Variants in PCDHA1 observed in about 807,000 individuals in gnomAD.
PCDHA1 encodes the protein protocadherin alpha-1.
A neutral mutation model predicts 61.3 loss-of-function variants in PCDHA1; 42 were observed. That is an observed-to-expected ratio of 0.69 (90% CI 0.54 to 0.89). PCDHA1 has a LOEUF of 0.89. Among genes scored for constraint, PCDHA1 ranks in the 40% least tolerant of loss-of-function variants. The probability of loss-of-function intolerance (pLI) is 0.00; values close to 1 mark genes in which losing one functional copy is unlikely to be tolerated. For missense variants in PCDHA1, 1,256 were observed against 1,235.3 expected (o/e 1.02, Z -0.25); for synonymous variants, 610 against 553.8 (o/e 1.10, Z -1.43).
chr5:140,841,456 G>T (rs2150315881), intron 1 of PCDHA1: 1 of 1,612,922 alleles, frequency 6.2e-7, no homozygotes, highest in South Asian at 1.1e-5. Context: ...GCACCTTCGT[G>T]GGCCGGATCG....
intron 1 of PCDHA1, among the ~76,000 whole-genome samples, chr5:140,844,861 A>G (rs1302890779): frequency 2.7e-5 from 4 of 149,288 alleles, no homozygotes; most frequent in African/African-American, 4.9e-5. Flanking sequence ...ACCTGCCTGG[A>G]TATTAAATAC....
At chr5:140,802,463 G>A (rs781868454) in intron 1 of PCDHA1, 2 of 1,614,210 alleles carry the variant, frequency 1.2e-6, no homozygotes, top group African/African-American at 1.3e-5. Flanking sequence ...CGGCCTATGA[G>A]CTGGTGGTGA....
chr5:140,827,695 T>C (rs1168812180), intron 1 of PCDHA1, among the ~76,000 whole-genome samples: 1 of 152,252 alleles, frequency 6.6e-6, no homozygotes, highest in Non-Finnish European at 1.5e-5. Context: ...CTGGTTGATA[T>C]TAATGTTGCA....
intron 1 of PCDHA1, chr5:140,928,020 T>G: frequency 1.2e-6 from 2 of 1,614,182 alleles, no homozygotes; most frequent in Middle Eastern, 1.6e-4. Context: ...GTAGGGTCAT[T>G]TGTGGCATGT....
chr5:140,902,621 TATTTAGTGGTG>T (rs2069605868), intron 1 of PCDHA1, among the ~76,000 whole-genome samples: 1 of 152,154 alleles, frequency 6.6e-6, no homozygotes, highest in Non-Finnish European at 1.5e-5. Context: ...ATGGGTAAGT[TATTTAGTGGTG>T]ATTTCTGAGA....
chr5:140,863,670 C>A (rs2048115377), intron 1 of PCDHA1: 1 of 292,680 alleles, frequency 3.4e-6, no homozygotes, highest in Admixed American at 4.6e-5. Context: ...ATTTATTTTG[C>A]TTTTGCTTTT....
At chr5:140,828,819 A>C (rs140245330) in intron 1 of PCDHA1, 1 of 1,614,224 alleles carries the variant, frequency 6.2e-7, no homozygotes, top group Non-Finnish European at 8.5e-7. Context: ...CCCACTTTCG[A>C]ACAGTCTGAA....
intron 1 of PCDHA1, chr5:140,856,708 A>G: frequency 6.3e-7 from 1 of 1,596,690 alleles, no homozygotes; most frequent in South Asian, 1.1e-5. Context: ...GCAAACCTGA[A>G]TTTACCGGAT....
At chr5:140,869,163 C>T in intron 1 of PCDHA1, 1 of 1,613,910 alleles carries the variant, frequency 6.2e-7, no homozygotes, top group Non-Finnish European at 8.5e-7. Flanking sequence ...GGCTTCTCCT[C>T]CTCGAATTCT....
intron 1 of PCDHA1, among the ~76,000 whole-genome samples, chr5:140,889,098 T>C (rs1252119447): frequency 6.6e-6 from 1 of 152,012 alleles, no homozygotes; most frequent in African/African-American, 2.4e-5. Flanking sequence ...AACAATTTTT[T>C]CATCTTTATT....
rs76033389 is a variant in PCDHA1, at chr5:140,874,549, G to A, written c.2394+85865G>A. Among the ~76,000 whole-genome samples, 707 of 152,298 alleles carry A rather than the reference G, an allele frequency of 4.6e-3. 3 individuals are homozygous for A. The highest frequency in any genetic ancestry group is 0.016 in the African/African-American group (683 of 41,566). On this transcript the variant is annotated intron_variant, in intron 1 of 3. Transcript: ENST00000504120. ...GATTAGGCTCCAAAACCCTTTAAGA[G>A]ATCTTTCGCATTTTAGTGCTCCATT...
rs1554128830 is a variant in PCDHA1 at position 140,822,720 on chromosome 5, T to C, written c.2394+34036T>C. 3 of 1,612,092 alleles carry C rather than the reference T, an allele frequency of 1.9e-6. No individual in the cohort carries two copies. The South Asian group carries it at 3.3e-5, about 18-fold the overall frequency. On this transcript the variant is annotated intron_variant, in intron 1 of 3. Coordinates refer to ENST00000504120, the MANE Select transcript of PCDHA1 (RefSeq NM_018900.4). ...TGGATTATGAAGACTATAACTCATA[T>C]GAAATTAATATTGATGCCATGGATA...
At chr5:140,796,666 C>A in intron 1 of PCDHA1, 1 of 1,613,880 alleles carries the variant, frequency 6.2e-7, no homozygotes, top group Non-Finnish European at 8.5e-7. Context: ...ACTGTTGGCG[C>A]CTAGGGCTGG....
chr5:140,981,690 A>C (rs1410954672), intron 2 of PCDHA1, among the ~76,000 whole-genome samples: 1 of 150,712 alleles, frequency 6.6e-6, no homozygotes, highest in Non-Finnish European at 1.5e-5. Flanking sequence ...CCCTTCCATC[A>C]TTCATTCATT....
At position 140,850,688 on chromosome 5, in the gene PCDHA1, G is replaced by A. The variant is rs2150494137; in HGVS notation, c.2394+62004G>A. On this transcript the variant is annotated intron_variant, in intron 1 of 3. Coordinates refer to ENST00000504120, the MANE Select transcript of PCDHA1 (RefSeq NM_018900.4). ...GCTCGGCGATGCCCACCGAGGGCGA[G>A]TGCGCGCCTGGCAAGCCGACGCTGG... The A allele has an allele frequency of 4.4e-6, 7 of 1,598,388 alleles. 1 individual carries two copies. The African/African-American group carries it at 8.1e-5, about 18-fold the overall frequency.
intron 1 of PCDHA1, among the ~76,000 whole-genome samples, chr5:140,838,075 A>AGTGTG (rs781914509): frequency 3.7e-4 from 47 of 128,236 alleles, no homozygotes; most frequent in East Asian, 1.2e-3. Context: ...TTATATATAT[A>AGTGTG]TAGTGTGTGT....
Position 141,010,284 on chromosome 5 carries a change from A to G in PCDHA1, c.*347A>G. 6.4e-7 allele frequency: 1 copy of G among 1,551,156 alleles called. No homozygotes were observed. Among genetic ancestry groups the G allele is most frequent in the Non-Finnish European group, 8.7e-7 (1 of 1,146,860 alleles). On this transcript the variant is annotated 3_prime_UTR_variant, in exon 4 of 4. Coordinates refer to ENST00000504120, the MANE Select transcript of PCDHA1 (RefSeq NM_018900.4). ...GCTCCGGGGATCCTGTCTTGATGACACTTGCAGGGCAGGCTGAAAAGTTTT... is the reference window on the plus strand; with the variant it reads ...GCTCCGGGGATCCTGTCTTGATGACGCTTGCAGGGCAGGCTGAAAAGTTTT...
intron 1 of PCDHA1, chr5:140,797,341 T>C (rs1762213820): frequency 3.1e-6 from 5 of 1,613,962 alleles, no homozygotes; most frequent in Non-Finnish European, 2.5e-6. Context: ...AGAATCAGAA[T>C]ACGTAGGAAA....
intron 1 of PCDHA1, among the ~76,000 whole-genome samples, chr5:140,971,471 G>A (rs1274091500): frequency 1.3e-5 from 2 of 152,172 alleles, no homozygotes; most frequent in African/African-American, 4.8e-5. Context: ...TATAGGGAGA[G>A]AGTGTCACAT....
Sources: gnomAD v4.1 joint callset for allele counts (sites outside exome capture counted in the v4.1 genomes callset) on GRCh38, gnomAD v4.1.1 for gene constraint, MANE v1.5 for transcripts, NCBI Gene and HGNC (gene_info 2026-07-23, HGNC 2026-07-21) for gene names.